The following HTR2A variants were observed in gnomAD, a reference collection of about 807,000 sequenced individuals.
The protein encoded by HTR2A is 5-hydroxytryptamine receptor 2A, also known as 5-HT2 receptor.
HTR2A carries 14 observed loss-of-function variants against 31.0 expected under a neutral mutation model. The observed-to-expected ratio is 0.45, with a 90% CI of 0.30 to 0.71. The LOEUF (loss-of-function observed/expected upper bound fraction) is 0.71. Ranked by LOEUF, HTR2A falls within the 30% of genes least tolerant of loss-of-function variation. The pLI, the probability that HTR2A is intolerant of heterozygous loss-of-function variation, is 0.09. For synonymous variants in HTR2A, 209 were observed against 225.2 expected, an observed-to-expected ratio of 0.93 and a Z score of 0.64; for missense variants, 442 against 573.3, an observed-to-expected ratio of 0.77 and a Z score of 2.34.
chr13:46,868,188 A>G (rs1030592088), intron 3 of HTR2A, among the ~76,000 whole-genome samples: 35 of 152,256 alleles, frequency 2.3e-4, no homozygotes, highest in African/African-American at 8.4e-4. Context: ...CAGGAAGCAC[A>G]TAACATTTAA....
At chr13:46,848,488 A>G (rs1950659976) in intron 3 of HTR2A, among the ~76,000 whole-genome samples, 1 of 152,238 alleles carries the variant, frequency 6.6e-6, no homozygotes, top group African/African-American at 2.4e-5. Context: ...ATAGGTAAAA[A>G]GTGGGGGAAA....
intron 3 of HTR2A, among the ~76,000 whole-genome samples, chr13:46,888,615 C>T (rs1230355716): frequency 2.0e-5 from 3 of 151,980 alleles, no homozygotes; most frequent in Admixed American, 6.6e-5. Context: ...GAATGAGGAA[C>T]CCAGGCAAAA....
At chr13:46,882,229 T>TGA (rs1555299704) in intron 3 of HTR2A, among the ~76,000 whole-genome samples, 1 of 148,652 alleles carries the variant, frequency 6.7e-6, no homozygotes, top group Non-Finnish European at 1.5e-5. Context: ...TCAGGGAAGT[T>TGA]AAAAAAAAAA....
At chr13:46,888,922 T>G (rs1489640918) in intron 3 of HTR2A, among the ~76,000 whole-genome samples, 2 of 152,168 alleles carry the variant, frequency 1.3e-5, no homozygotes, top group Non-Finnish European at 2.9e-5. Flanking sequence ...GAATTGACAA[T>G]TCTTGATTAG....
intron 3 of HTR2A, among the ~76,000 whole-genome samples, chr13:46,889,739 C>T (rs1951036240): frequency 6.6e-6 from 1 of 152,032 alleles, no homozygotes; most frequent in Non-Finnish European, 1.5e-5. Flanking sequence ...TAAAAGAAAC[C>T]ACACACAAAG....
intron 3 of HTR2A, among the ~76,000 whole-genome samples, chr13:46,880,102 A>G (rs1950948583): frequency 6.6e-6 from 1 of 152,240 alleles, no homozygotes; most frequent in Non-Finnish European, 1.5e-5. Context: ...GGTGTGCCCA[A>G]TTCGCAGAGT....
At chr13:46,881,720 A>C (rs1224217983) in intron 3 of HTR2A, among the ~76,000 whole-genome samples, 3 of 152,150 alleles carry the variant, frequency 2.0e-5, no homozygotes, top group Non-Finnish European at 4.4e-5. Context: ...GCTGACTAAT[A>C]GCCGTATAAA....
At position 46,831,993 on chromosome 13, in the gene HTR2A, G is replaced by A. The variant is rs963356290; in HGVS notation, c.*2844C>T. 2 of 152,130 alleles carry A rather than the reference G, an allele frequency of 1.3e-5. No individual in the cohort carries two copies. Among genetic ancestry groups the A allele is most frequent in the Non-Finnish European group, 2.9e-5 (2 of 68,016 alleles). The allele number at this position is 152,130 out of a possible 1,614,324, so 9.4% of individuals were successfully genotyped here. On this transcript the variant is annotated 3_prime_UTR_variant, in exon 4 of 4. Transcript: ENST00000542664. The stretch of plus-strand genomic sequence containing the variant: ...CATTTGACAACTGTGTTTCACTTAG[G>A]TGTGAGTCTGTTTAAAAAGCCATAG...
chr13:46,844,188 G>T (rs1233486757), intron 3 of HTR2A, among the ~76,000 whole-genome samples: 4 of 152,094 alleles, frequency 2.6e-5, no homozygotes, highest in African/African-American at 9.7e-5. Flanking sequence ...TTTGTGTATT[G>T]TAAGACATCC....
Position 46,832,415 on chromosome 13 carries a change from T to C in HTR2A, c.*2422A>G, listed in dbSNP as rs1340741251. 1.3e-5 allele frequency: 2 copies of C among 152,196 alleles called. No homozygotes were observed. Among genetic ancestry groups the C allele is most frequent in the Admixed American group, 1.3e-4 (2 of 15,282 alleles). The allele number at this position is 152,196 out of a possible 1,614,324, so 9.4% of individuals were successfully genotyped here. ...CCTATACAGTATACACTTGAATAGA[T>C]ACTTATGGAAGAAAAAAACACATAC... On this transcript the variant is annotated 3_prime_UTR_variant, in exon 4 of 4. Transcript: ENST00000542664.
At chr13:46,857,756 G>A (rs548989904) in intron 3 of HTR2A, among the ~76,000 whole-genome samples, 6 of 152,288 alleles carry the variant, frequency 3.9e-5, no homozygotes, top group African/African-American at 1.2e-4. Flanking sequence ...CAGCATATAA[G>A]AGCTGAAAGT....
At position 46,833,755 on chromosome 13, in the gene HTR2A, C is replaced by G. The variant is rs1876335143; in HGVS notation, c.*1082G>C. ...TTTGCTTCACACATAAATGTACACT[C>G]AATAGATGATTGTGGAACCAAGCAG... is the stretch of plus-strand genomic sequence containing the variant. On this transcript the variant is annotated 3_prime_UTR_variant, in exon 4 of 4. Transcript: ENST00000542664. The G allele has an allele frequency of 1.3e-5, 2 of 152,114 alleles. No homozygotes were observed. Among genetic ancestry groups the G allele is most frequent in the Non-Finnish European group, 2.9e-5 (2 of 68,034 alleles). 9.4% of individuals were successfully genotyped at this position (152,114 alleles called of 1,614,324 possible).
intron 3 of HTR2A, chr13:46,856,400 C>T (rs1354380855): frequency 2.0e-5 from 3 of 152,086 alleles, no homozygotes; most frequent in African/African-American, 7.2e-5. Context: ...TCATACACTG[C>T]AAGTTTATGA....
At chr13:46,847,399 T>C (rs1342200918) in intron 3 of HTR2A, among the ~76,000 whole-genome samples, 1 of 152,200 alleles carries the variant, frequency 6.6e-6, no homozygotes, top group Non-Finnish European at 1.5e-5. Context: ...ATAGCTATCA[T>C]CTCAAATGCT....
chr13:46,895,373 T>G lies in HTR2A; in HGVS notation c.412+122A>C. 1.2e-6 allele frequency: 1 copy of G among 813,482 alleles called. No individual in the cohort carries two copies. The allele number at this position is 813,482 out of a possible 1,614,324, so 50.4% of individuals were successfully genotyped here. ...ATATAAGTAACATAGTAGGCTCTAG[T>G]CTATAAACAAAGACTTCTATTTATA... On this transcript the variant is annotated intron_variant, in intron 2 of 3. Coordinates refer to ENST00000542664, the MANE Select transcript of HTR2A (RefSeq NM_000621.5). This position sits in a 1 kb window ranked among gnomAD's most constrained non-coding sequence, Gnocchi z 4.4.
intron 3 of HTR2A, among the ~76,000 whole-genome samples, chr13:46,841,075 T>C (rs553191108): frequency 6.6e-6 from 1 of 152,252 alleles, no homozygotes; most frequent in East Asian, 1.9e-4. Flanking sequence ...CTTCCCACGC[T>C]CTCTCTCACC....
chr13:46,883,078 T>C (rs1158165143), intron 3 of HTR2A, among the ~76,000 whole-genome samples: 1 of 152,214 alleles, frequency 6.6e-6, no homozygotes, highest in Non-Finnish European at 1.5e-5. Context: ...GCAAAAACCA[T>C]GGGCAGCCAA....
upstream of HTR2A, among the ~76,000 whole-genome samples, chr13:46,897,893 A>G (rs1450670114): frequency 2.0e-5 from 3 of 152,136 alleles, no homozygotes; most frequent in East Asian, 5.8e-4. Context: ...GGAGACCTTG[A>G]CCTCAGCATC....
At chr13:46,854,951 AAAG>A (rs1367287805) in intron 3 of HTR2A, among the ~76,000 whole-genome samples, 1 of 152,192 alleles carries the variant, frequency 6.6e-6, no homozygotes, top group Non-Finnish European at 1.5e-5. Context: ...GAACTTATAA[AAAG>A]AGAAAAAATT....
Sources: gnomAD v4.1 joint callset for allele counts (sites outside exome capture counted in the v4.1 genomes callset) on GRCh38, gnomAD v4.1.1 for gene constraint, Gnocchi (gnomAD v3.1) non-coding constraint, MANE v1.5 for transcripts, NCBI Gene and HGNC (gene_info 2026-07-23, HGNC 2026-07-21) for gene names.